The following AFG1L variants were observed in gnomAD, a reference collection of about 807,000 sequenced individuals.
The protein encoded by AFG1L is AFG1-like ATPase.
AFG1L carries 53 observed loss-of-function variants against 62.2 expected under a neutral mutation model. The ratio of observed to expected loss-of-function variants is 0.85; its 90% CI spans 0.68 to 1.07. The LOEUF is 1.07. Ranked by LOEUF, AFG1L falls within the 50% of genes least tolerant of loss-of-function variation. The pLI is 0.00. For synonymous variants in AFG1L, 228 were observed against 210.3 expected (o/e 1.08, Z -0.73); for missense variants, 555 against 590.5 (o/e 0.94, Z 0.62).
intron 10 of AFG1L, among the ~76,000 whole-genome samples, chr6:108,500,183 T>C (rs1396194361): frequency 1.3e-5 from 2 of 150,544 alleles, no homozygotes; most frequent in African/African-American, 4.9e-5. Context: ...TGTGTGTGTG[T>C]GTGTGTGTGT....
chr6:108,317,870 C>T (rs1384346311), intron 1 of AFG1L, among the ~76,000 whole-genome samples: 1 of 152,142 alleles, frequency 6.6e-6, no homozygotes, highest in African/African-American at 2.4e-5. Flanking sequence ...TCAGATTTCT[C>T]TTACTGTCAT....
chr6:108,405,705 A>C (rs1468294509), intron 7 of AFG1L, among the ~76,000 whole-genome samples: 1 of 152,216 alleles, frequency 6.6e-6, no homozygotes, highest in East Asian at 1.9e-4. Context: ...ACATTGTTGT[A>C]CAAGCACCAC....
chr6:108,442,574 T>G (rs1771597533), intron 7 of AFG1L, among the ~76,000 whole-genome samples: 1 of 152,192 alleles, frequency 6.6e-6, no homozygotes, highest in Admixed American at 6.5e-5. Flanking sequence ...CCATGACTTT[T>G]GCTAGTTTTT....
chr6:108,437,704 T>C lies in AFG1L; in HGVS notation c.808-9510T>C, dbSNP rs181938356. ...GTAAAGGAAATAATATAAAATCATA[T>C]TGTATGGCCCCCAGAAGAGTAATTA... is the stretch of plus-strand genomic sequence containing the variant. On this transcript the variant is annotated intron_variant, in intron 7 of 12. Transcript: ENST00000368977. Among the ~76,000 whole-genome samples the C allele has an allele frequency of 4.9e-3, 746 of 152,268 alleles. 3 individuals are homozygous for C. The highest frequency in any genetic ancestry group is 0.015 in the African/African-American group (608 of 41,552).
At chr6:108,333,576 C>T (rs1033511462) in intron 2 of AFG1L, among the ~76,000 whole-genome samples, 1 of 152,168 alleles carries the variant, frequency 6.6e-6, no homozygotes, top group Admixed American at 6.5e-5. Flanking sequence ...AAGACCTAAT[C>T]TCTGCAAATA....
intron 11 of AFG1L, among the ~76,000 whole-genome samples, chr6:108,511,438 G>C (rs1013389433): frequency 6.6e-6 from 1 of 152,116 alleles, no homozygotes; most frequent in African/African-American, 2.4e-5. Context: ...TATCCTAAAG[G>C]CCATCTTAAT....
At chr6:108,421,504 GA>G (rs977913452) in intron 7 of AFG1L, among the ~76,000 whole-genome samples, 2 of 151,928 alleles carry the variant, frequency 1.3e-5, no homozygotes, top group African/African-American at 4.8e-5. Flanking sequence ...AAATTTTGAA[GA>G]AAAAAACCCT....
intron 2 of AFG1L, among the ~76,000 whole-genome samples, chr6:108,343,233 A>G (rs1778745664): frequency 6.6e-6 from 1 of 151,992 alleles, no homozygotes; most frequent in Non-Finnish European, 1.5e-5. Flanking sequence ...TATTTTTGGT[A>G]GAGACGGGGT....
chr6:108,503,645 G>A (rs1325898683), intron 10 of AFG1L, among the ~76,000 whole-genome samples: 1 of 152,190 alleles, frequency 6.6e-6, no homozygotes, highest in African/African-American at 2.4e-5. Context: ...AATGGTAAAT[G>A]AGCATTGGCT....
intron 1 of AFG1L, among the ~76,000 whole-genome samples, chr6:108,322,510 A>G (rs537044727): frequency 2.0e-5 from 3 of 152,308 alleles, no homozygotes; most frequent in South Asian, 2.1e-4. Context: ...CCTGACTGCA[A>G]GAGAGGCCAG....
chr6:108,386,004 T>C (rs1780747727), intron 6 of AFG1L, among the ~76,000 whole-genome samples: 1 of 152,138 alleles, frequency 6.6e-6, no homozygotes. Flanking sequence ...TGGGAGCTTC[T>C]CAGGAGGCTG....
At chr6:108,495,660 A>G (rs897844420) in intron 10 of AFG1L, among the ~76,000 whole-genome samples, 2 of 152,240 alleles carry the variant, frequency 1.3e-5, no homozygotes, top group Admixed American at 1.3e-4. Flanking sequence ...TTTATTTTTA[A>G]GTTTGTTAGA....
chr6:108,453,288 G>A (rs1354551539), intron 8 of AFG1L, among the ~76,000 whole-genome samples: 1 of 145,740 alleles, frequency 6.9e-6, no homozygotes, highest in Admixed American at 6.9e-5. Flanking sequence ...TCACATATTT[G>A]TGCTTGGCTA....
At chr6:108,499,228 G>T (rs1319999515) in intron 10 of AFG1L, among the ~76,000 whole-genome samples, 1 of 151,058 alleles carries the variant, frequency 6.6e-6, no homozygotes, top group African/African-American at 2.4e-5. Flanking sequence ...GCCACTACAT[G>T]TGGCTAAGTT....
At chr6:108,485,934 A>G (rs1773555961) in intron 10 of AFG1L, among the ~76,000 whole-genome samples, 1 of 151,448 alleles carries the variant, frequency 6.6e-6, no homozygotes, top group Non-Finnish European at 1.5e-5. Context: ...TAACCTTCCA[A>G]AGTGCTGGGA....
intron 7 of AFG1L, among the ~76,000 whole-genome samples, chr6:108,441,712 A>AAAAAAAT (rs1401294615): frequency 9.5e-4 from 132 of 139,484 alleles, no homozygotes; most frequent in African/African-American, 3.2e-3. Context: ...AAAAAAAAAA[A>AAAAAAAT]ATATATATAT....
chr6:108,487,764 A>G (rs536732160), intron 10 of AFG1L, among the ~76,000 whole-genome samples: 7 of 152,358 alleles, frequency 4.6e-5, no homozygotes, highest in African/African-American at 1.7e-4. Flanking sequence ...AACCATAATC[A>G]GAAGCCAAGC....
At chr6:108,499,225 C>T (rs1774093631) in intron 10 of AFG1L, among the ~76,000 whole-genome samples, 1 of 151,274 alleles carries the variant, frequency 6.6e-6, no homozygotes, top group South Asian at 2.1e-4. Context: ...CGTGCCACTA[C>T]ATGTGGCTAA....
chr6:108,356,724 GA>G lies in AFG1L; in HGVS notation c.555del (p.Lys185AsnfsTer12). On this transcript the variant is annotated frameshift_variant, in exon 5 of 13. Coordinates refer to ENST00000368977, the MANE Select transcript of AFG1L (RefSeq NM_145315.5). LOFTEE classifies it high-confidence loss of function. ...GCCTTAAACAGAGTTTGCCAAAAAG[GA>G]AACCAGGATTCATGGCTAAATCATA... ...HRLKQSLPKR[K>X]PGFMAKSYDP... 6.2e-7 allele frequency: 1 copy of G among 1,612,276 alleles called. No individual in the cohort carries two copies. Among genetic ancestry groups the G allele is most frequent in the Non-Finnish European group, 8.5e-7 (1 of 1,179,270 alleles).
Sources: gnomAD v4.1 joint callset for allele counts (sites outside exome capture counted in the v4.1 genomes callset) on GRCh38, gnomAD v4.1.1 for gene constraint, MANE v1.5 for transcripts, NCBI Gene and HGNC (gene_info 2026-07-23, HGNC 2026-07-21) for gene names.